DIAPH2: variants seen among roughly 807,000 people sequenced by gnomAD.
DIAPH2 encodes the protein diaphanous related formin 2, also known as protein diaphanous homolog 2.
Under a neutral mutation model 92.7 loss-of-function variants are expected in DIAPH2, and 35 were observed. The ratio of observed to expected loss-of-function variants is 0.38; its 90% CI spans 0.29 to 0.50. The LOEUF is 0.50. Ranked by LOEUF, DIAPH2 falls within the 20% of genes least tolerant of loss-of-function variation. The probability of loss-of-function intolerance (pLI) is 0.94; values close to 1 mark genes in which losing one functional copy is unlikely to be tolerated. For synonymous variants in DIAPH2, 301 were observed against 280.4 expected, an observed-to-expected ratio of 1.07 and a Z score of -0.73; for missense variants, 701 against 819.5, an observed-to-expected ratio of 0.86 and a Z score of 1.77.
intron 17 of DIAPH2, among the ~76,000 whole-genome samples, chrX:96,986,901 T>C (rs756819293): frequency 7.2e-5 from 8 of 111,672 alleles, no homozygotes; most frequent in Non-Finnish European, 1.1e-4. Context: ...GTTCAGAATT[T>C]GCTGGTTGTG....
chrX:96,818,796 T>G (rs2064757742), intron 4 of DIAPH2, among the ~76,000 whole-genome samples: 1 of 112,820 alleles, frequency 8.9e-6, no homozygotes, highest in South Asian at 3.6e-4. Context: ...CTGTTGCTGC[T>G]TTCAATATAA....
intron 17 of DIAPH2, among the ~76,000 whole-genome samples, chrX:96,987,651 T>C (rs774577537): frequency 5.4e-5 from 6 of 111,758 alleles, no homozygotes; most frequent in Non-Finnish European, 7.6e-5. Flanking sequence ...AACTGAATCA[T>C]TGTGTACTAT....
At chrX:97,214,648 A>G (rs2067867927) in intron 22 of DIAPH2, among the ~76,000 whole-genome samples, 1 of 108,813 alleles carries the variant, frequency 9.2e-6, no homozygotes, top group Non-Finnish European at 1.9e-5. Context: ...CCTGACCAAC[A>G]TGGAGAAACC....
At chrX:97,242,797 A>G (rs768486209) in intron 22 of DIAPH2, among the ~76,000 whole-genome samples, 1 of 107,887 alleles carries the variant, frequency 9.3e-6, no homozygotes, top group African/African-American at 3.4e-5. Context: ...TTATTTATTT[A>G]TTTTTTTGAG....
chrX:96,873,039 C>T (rs1358895420), intron 4 of DIAPH2, among the ~76,000 whole-genome samples: 1 of 111,680 alleles, frequency 9.0e-6, no homozygotes, highest in Non-Finnish European at 1.9e-5. Context: ...ACATTCCCAC[C>T]AACAGTTTAT....
chrX:97,302,599 G>A (rs1316665948), intron 23 of DIAPH2, among the ~76,000 whole-genome samples: 1 of 111,834 alleles, frequency 8.9e-6, no homozygotes, highest in Non-Finnish European at 1.9e-5. Context: ...TGAGGAGGCA[G>A]TGTAACTGGG....
intron 26 of DIAPH2, among the ~76,000 whole-genome samples, chrX:97,553,325 A>G (rs2071233751): frequency 8.9e-6 from 1 of 111,938 alleles, no homozygotes; most frequent in Non-Finnish European, 1.9e-5. Context: ...TCCTTGTTAA[A>G]CATAACAGAG....
At chrX:96,701,713 A>T (rs2063856505) in intron 1 of DIAPH2, 1 of 111,648 alleles carries the variant, frequency 9.0e-6, no homozygotes, top group Non-Finnish European at 1.9e-5. Context: ...TGATTTTAAA[A>T]TATTAAGATC....
intron 1 of DIAPH2, among the ~76,000 whole-genome samples, chrX:96,713,885 A>C (rs1384535784): frequency 8.9e-6 from 1 of 111,852 alleles, no homozygotes; most frequent in Non-Finnish European, 1.9e-5. Flanking sequence ...CCGTTCACCT[A>C]CTGAAGGACA....
intron 17 of DIAPH2, among the ~76,000 whole-genome samples, chrX:97,016,624 C>T (rs761551973): frequency 1.8e-5 from 2 of 111,667 alleles, no homozygotes; most frequent in Non-Finnish European, 3.8e-5. Flanking sequence ...GAGACTGTAG[C>T]CACTGTTTCC....
At position 97,265,179 on chromosome X, in the gene DIAPH2, A is replaced by G. The variant is rs184387808; in HGVS notation, c.2844+17340A>G. ...TAGAAAACAGAAACATACTCAATAT[A>G]TACTCCTCTCTCACTATGAAGCTGG... On this transcript the variant is annotated intron_variant, in intron 23 of 26. Transcript: ENST00000324765. 5.5e-3 allele frequency among the ~76,000 whole-genome samples: 613 copies of G among 111,596 alleles called. 3 individuals are homozygous for G. The highest frequency in any genetic ancestry group is 0.019 in the African/African-American group (580 of 30,702).
intron 26 of DIAPH2, among the ~76,000 whole-genome samples, chrX:97,551,610 A>AG (rs1314164375): frequency 1.8e-5 from 2 of 109,988 alleles, no homozygotes; most frequent in Non-Finnish European, 3.8e-5. Flanking sequence ...AAAAAAAAAA[A>AG]TTAAAATTAA....
intron 26 of DIAPH2, among the ~76,000 whole-genome samples, chrX:97,593,686 C>T (rs569279356): frequency 9.0e-6 from 1 of 111,216 alleles, no homozygotes; most frequent in African/African-American, 3.3e-5. Context: ...AAATAACAAT[C>T]AACAAGCAAT....
At chrX:97,395,906 T>A (rs1387143103) in intron 25 of DIAPH2, among the ~76,000 whole-genome samples, 1 of 112,459 alleles carries the variant, frequency 8.9e-6, no homozygotes, top group Admixed American at 9.4e-5. Flanking sequence ...CATCAATTTG[T>A]ATGTAGAAGA....
rs567686536 is a variant in DIAPH2, at chrX:97,173,334, G to A, written c.2719+31540G>A. ...GAGGATTGCTTGAGCCCAGGAGGCA[G>A]AGGTTACAGTGAGCTGAAATGGTAC... On this transcript the variant is annotated intron_variant, in intron 22 of 26. Transcript: ENST00000324765. Among the ~76,000 whole-genome samples, 18 of 111,773 alleles carry A rather than the reference G, an allele frequency of 1.6e-4. No homozygotes were observed. The South Asian group carries it at 6.7e-3, about 42-fold the overall frequency.
intron 3 of DIAPH2, among the ~76,000 whole-genome samples, chrX:96,742,250 G>A (rs1466219959): frequency 9.0e-6 from 1 of 111,329 alleles, no homozygotes; most frequent in Non-Finnish European, 1.9e-5. Context: ...TTCAAAGTAA[G>A]GCACTTTCAA....
intron 1 of DIAPH2, among the ~76,000 whole-genome samples, chrX:96,727,414 C>G (rs773874313): frequency 1.2e-3 from 138 of 112,050 alleles, no homozygotes; most frequent in African/African-American, 4.2e-3. Context: ...AAGACTGCCT[C>G]TAATCCACCC....
chrX:96,973,101 G>A (rs1450025783), intron 17 of DIAPH2, among the ~76,000 whole-genome samples: 1 of 112,085 alleles, frequency 8.9e-6, no homozygotes, highest in Non-Finnish European at 1.9e-5. Context: ...GTGATTGGCT[G>A]AAGCTCAGCT....
intron 4 of DIAPH2, among the ~76,000 whole-genome samples, chrX:96,778,319 A>G (rs184152771): frequency 3.1e-4 from 34 of 111,031 alleles, no homozygotes; most frequent in Admixed American, 2.9e-3. Flanking sequence ...GAATCATTGT[A>G]AGAATATTAC....
Sources: gnomAD v4.1 joint callset for allele counts (sites outside exome capture counted in the v4.1 genomes callset) on GRCh38, gnomAD v4.1.1 for gene constraint, MANE v1.5 for transcripts, NCBI Gene and HGNC (gene_info 2026-07-23, HGNC 2026-07-21) for gene names.